The following SPON1 variants were observed in gnomAD, a reference collection of about 807,000 sequenced individuals.
SPON1 encodes the protein spondin 1, also known as spondin-1.
A neutral mutation model predicts 111.7 loss-of-function variants in SPON1; 52 were observed. The observed-to-expected ratio is 0.47, with a 90% CI of 0.37 to 0.59. The LOEUF is 0.59. Ranked by LOEUF, SPON1 falls within the 20% of genes least tolerant of loss-of-function variation. The pLI is 0.00. For missense variants in SPON1, 957 were observed against 1,068.5 expected (o/e 0.90, Z 1.46); for synonymous variants, 410 against 395.8 (o/e 1.04, Z -0.43).
chr11:14,265,507 C>T lies in SPON1; in HGVS notation c.2261-17C>T. The stretch of plus-strand genomic sequence containing the variant: ...TCCCGTTTCTGCGGGCCTAACAAGG[C>T]ATTCTCATGCTTTCAGGTTGTAGGA... On this transcript the variant is annotated splice_polypyrimidine_tract_variant and intron_variant, in intron 15 of 15. Coordinates refer to ENST00000576479, the MANE Select transcript of SPON1 (RefSeq NM_006108.4). 1 of 1,609,152 alleles carries T rather than the reference C, an allele frequency of 6.2e-7. No homozygotes were observed. Among genetic ancestry groups the T allele is most frequent in the Non-Finnish European group, 8.5e-7 (1 of 1,177,816 alleles).
At chr11:14,173,477 C>T (rs1409297362) in intron 6 of SPON1, among the ~76,000 whole-genome samples, 1 of 152,126 alleles carries the variant, frequency 6.6e-6, no homozygotes, top group Non-Finnish European at 1.5e-5. Flanking sequence ...TCTTCTGAAG[C>T]CTTCTTCTCT....
chr11:14,161,940 G>A (rs1390445591), intron 6 of SPON1, among the ~76,000 whole-genome samples: 2 of 151,850 alleles, frequency 1.3e-5, no homozygotes, highest in Non-Finnish European at 2.9e-5. Context: ...GATCACTTGA[G>A]GTCAGGAGTT....
At chr11:14,165,503 T>A (rs549980338) in intron 6 of SPON1, among the ~76,000 whole-genome samples, 181 of 152,278 alleles carry the variant, frequency 1.2e-3, no homozygotes, top group South Asian at 6.2e-3. Flanking sequence ...ACATTAGTAC[T>A]CTCATCTATA....
chr11:14,156,934 A>G (rs957081349), intron 6 of SPON1, among the ~76,000 whole-genome samples: 5 of 152,210 alleles, frequency 3.3e-5, no homozygotes, highest in African/African-American at 7.2e-5. Context: ...CCATGATTCA[A>G]TCACCTCTGA....
At chr11:14,145,822 G>A (rs570334823) in intron 6 of SPON1, among the ~76,000 whole-genome samples, 13 of 152,188 alleles carry the variant, frequency 8.5e-5, no homozygotes, top group Admixed American at 3.3e-4. Flanking sequence ...TGCATTTAAC[G>A]GGTCAAATAC....
At chr11:14,096,881 A>G (rs1849105880) in intron 5 of SPON1, among the ~76,000 whole-genome samples, 1 of 152,198 alleles carries the variant, frequency 6.6e-6, no homozygotes, top group African/African-American at 2.4e-5. Context: ...CTGTACATGT[A>G]TTATTTTGAT....
chr11:14,194,036 G>A (rs1848374867), intron 6 of SPON1, among the ~76,000 whole-genome samples: 1 of 152,196 alleles, frequency 6.6e-6, no homozygotes, highest in African/African-American at 2.4e-5. Flanking sequence ...CTTGCCCAAG[G>A]AACACGTTTT....
intron 2 of SPON1, among the ~76,000 whole-genome samples, chr11:13,993,414 G>T (rs1372590538): frequency 6.6e-6 from 1 of 151,840 alleles, no homozygotes; most frequent in Non-Finnish European, 1.5e-5. Flanking sequence ...GGACTCAATT[G>T]CCTGTACAAA....
chr11:13,979,415 A>T (rs1253049403), intron 1 of SPON1, among the ~76,000 whole-genome samples: 3 of 152,210 alleles, frequency 2.0e-5, no homozygotes, highest in African/African-American at 7.2e-5. Flanking sequence ...TTAGAACTTC[A>T]ACATATCTTA....
At chr11:14,169,590 T>A (rs1292951549) in intron 6 of SPON1, among the ~76,000 whole-genome samples, 2 of 151,666 alleles carry the variant, frequency 1.3e-5, no homozygotes, top group East Asian at 1.9e-4. Flanking sequence ...ATCTCCTGAA[T>A]GGTATTGCCT....
At chr11:14,030,132 G>A (rs1440141021) in intron 2 of SPON1, among the ~76,000 whole-genome samples, 1 of 152,226 alleles carries the variant, frequency 6.6e-6, no homozygotes, top group African/African-American at 2.4e-5. Flanking sequence ...CAGGTTAATA[G>A]AGTGAGCAGT....
At chr11:14,152,615 A>G (rs1242621302) in intron 6 of SPON1, among the ~76,000 whole-genome samples, 1 of 152,208 alleles carries the variant, frequency 6.6e-6, no homozygotes, top group East Asian at 1.9e-4. Context: ...AGGGAAGACT[A>G]TTTGCTTGTC....
chr11:13,963,243 G>C (rs1357246809), intron 1 of SPON1, 101 bp downstream of exon 1: 3 of 905,932 alleles, frequency 3.3e-6, no homozygotes, highest in Middle Eastern at 3.4e-4. Context: ...CCGGGCGCGT[G>C]GCGCGGGTGC....
At chr11:14,186,462 A>T (rs1362020062) in intron 6 of SPON1, among the ~76,000 whole-genome samples, 3 of 152,140 alleles carry the variant, frequency 2.0e-5, no homozygotes, top group African/African-American at 4.8e-5. Context: ...CATGCTAGGG[A>T]TTGGAGTGTT....
intron 1 of SPON1, among the ~76,000 whole-genome samples, chr11:13,969,509 G>A (rs1848046391): frequency 6.6e-6 from 1 of 152,220 alleles, no homozygotes; most frequent in African/African-American, 2.4e-5. Context: ...TGAAAGGAAT[G>A]AGGGTAAGGT....
At chr11:13,991,438 T>A (rs1554911200) in intron 2 of SPON1, among the ~76,000 whole-genome samples, 1 of 152,210 alleles carries the variant, frequency 6.6e-6, no homozygotes, top group African/African-American at 2.4e-5. Flanking sequence ...GTCATTTATG[T>A]TCTTCTCTAC....
intron 6 of SPON1, among the ~76,000 whole-genome samples, chr11:14,201,741 A>C (rs1210606494): frequency 1.3e-5 from 2 of 152,182 alleles, no homozygotes; most frequent in East Asian, 3.9e-4. Context: ...TTGAGTATAT[A>C]CACATAAGTA....
At chr11:14,100,212 G>A (rs1849132975) in intron 5 of SPON1, among the ~76,000 whole-genome samples, 2 of 151,398 alleles carry the variant, frequency 1.3e-5, no homozygotes, top group South Asian at 4.2e-4. Flanking sequence ...TCTGCCTCAG[G>A]TGCCAAGCTA....
chr11:14,028,847 G>C (rs1342506029), intron 2 of SPON1, among the ~76,000 whole-genome samples: 1 of 152,134 alleles, frequency 6.6e-6, no homozygotes, highest in African/African-American at 2.4e-5. Flanking sequence ...ACCTATGTCT[G>C]CTGGCTCCAA....
Sources: allele counts gnomAD v4.1 joint callset (sites outside exome capture counted in the v4.1 genomes callset), GRCh38; gene constraint gnomAD v4.1.1; transcripts MANE v1.5; gene names NCBI Gene and HGNC (gene_info 2026-07-23, HGNC 2026-07-21).